Variants in QTGAL observed in about 807,000 individuals in gnomAD.
QTGAL encodes the protein queuosine-tRNA galactosyltransferase.
At chr17:83,047,247 A>G in the QTGAL span, among the ~76,000 whole-genome samples, 1 of 152,158 alleles carries the variant, frequency 6.6e-6, no homozygotes, top group Non-Finnish European at 1.5e-5. Flanking sequence ...GGGAGCTCTG[A>G]GCGGCCTCTT....
the QTGAL span, among the ~76,000 whole-genome samples, chr17:83,013,978 G>A: frequency 8.5e-5 from 13 of 152,148 alleles, no homozygotes; most frequent in East Asian, 1.9e-3. Context: ...AGGAGCCCAC[G>A]GGGCACTGCT....
At chr17:82,990,076 G>A in the QTGAL span, among the ~76,000 whole-genome samples, 1 of 152,200 alleles carries the variant, frequency 6.6e-6, no homozygotes, top group Non-Finnish European at 1.5e-5. Context: ...TCTGTGATTT[G>A]ACACACACCA....
chr17:83,045,982 C>A, the QTGAL span, among the ~76,000 whole-genome samples: 1 of 151,812 alleles, frequency 6.6e-6, no homozygotes, highest in Non-Finnish European at 1.5e-5. Context: ...TGCCACTACT[C>A]CAAGCTAATT....
chr17:82,980,061 C>G, the QTGAL span, among the ~76,000 whole-genome samples: 1 of 152,172 alleles, frequency 6.6e-6, no homozygotes, highest in Non-Finnish European at 1.5e-5. Context: ...AAACCTCACA[C>G]TAACTCAGCC....
the QTGAL span, chr17:83,005,475 G>GCCCT: frequency 4.6e-6 from 3 of 657,094 alleles, no homozygotes; most frequent in Non-Finnish European, 8.4e-6. This position sits in a 1 kb window ranked among gnomAD's most constrained non-coding sequence, Gnocchi z 5.6. Context: ...CCACAGAGCT[G>GCCCT]CCCTGGGCTG....
the QTGAL span, among the ~76,000 whole-genome samples, chr17:83,051,421 G>C: frequency 6.6e-6 from 1 of 152,172 alleles, no homozygotes; most frequent in Non-Finnish European, 1.5e-5. Flanking sequence ...AACTGCCTGA[G>C]CTCCGAGCCC....
the QTGAL span, among the ~76,000 whole-genome samples, chr17:82,969,690 AT>A: frequency 2.7e-5 from 4 of 149,864 alleles, no homozygotes; most frequent in African/African-American, 7.4e-5. Flanking sequence ...CATCTTTTAA[AT>A]TTTTTTTTTA....
the QTGAL span, among the ~76,000 whole-genome samples, chr17:82,969,676 A>G: frequency 5.9e-5 from 9 of 151,928 alleles, no homozygotes; most frequent in South Asian, 1.9e-3. Flanking sequence ...ACATAGCAAG[A>G]CCCCATCTTT....
the QTGAL span, among the ~76,000 whole-genome samples, chr17:83,009,373 G>A: frequency 3.6e-3 from 554 of 152,074 alleles, no homozygotes; most frequent in Non-Finnish European, 6.2e-3. Flanking sequence ...GCAGTGAGCC[G>A]AGACCGTACC....
At chr17:82,964,760 G>A in the QTGAL span, among the ~76,000 whole-genome samples, 2 of 132,628 alleles carry the variant, frequency 1.5e-5, no homozygotes, top group Non-Finnish European at 3.2e-5. Context: ...CCACGGGGGG[G>A]ACGGGGACAC....
At chr17:82,961,527 G>A in the QTGAL span, among the ~76,000 whole-genome samples, 1 of 152,194 alleles carries the variant, frequency 6.6e-6, no homozygotes. Context: ...ACGGCTCCTG[G>A]ATGGCTGGTC....
chr17:83,007,175 C>CT, the QTGAL span: 1 of 970,606 alleles, frequency 1.0e-6, no homozygotes, highest in African/African-American at 1.8e-5. Flanking sequence ...CTGTGTAATT[C>CT]TTTTCATATG....
chr17:83,046,366 A>G, the QTGAL span, among the ~76,000 whole-genome samples: 246 of 152,190 alleles, frequency 1.6e-3, 2 homozygotes, highest in East Asian at 0.016. Context: ...CAAACTCCTG[A>G]CCTCAGGTGG....
the QTGAL span, among the ~76,000 whole-genome samples, chr17:83,016,043 C>T: frequency 1.3e-5 from 2 of 152,154 alleles, no homozygotes; most frequent in African/African-American, 4.8e-5. Context: ...GGGACAGTCC[C>T]TTTAAGGTGC....
the QTGAL span, among the ~76,000 whole-genome samples, chr17:83,036,429 C>T: frequency 1.2e-4 from 18 of 152,286 alleles, no homozygotes; most frequent in Non-Finnish European, 2.2e-4. Context: ...CTCAGGGTGC[C>T]GGTTACATGG....
the QTGAL span, among the ~76,000 whole-genome samples, chr17:82,998,292 A>G: frequency 2.6e-5 from 4 of 152,192 alleles, no homozygotes; most frequent in Admixed American, 2.6e-4. Context: ...CTAAAAAAGC[A>G]TGTCCATAAA....
chr17:82,973,311 T>TG, the QTGAL span, among the ~76,000 whole-genome samples: 1 of 131,956 alleles, frequency 7.6e-6, no homozygotes, highest in African/African-American at 2.5e-5. Flanking sequence ...CATCTGTGGG[T>TG]TTTTCAATTT....
chr17:83,035,585 G>A, the QTGAL span, among the ~76,000 whole-genome samples: 1 of 152,166 alleles, frequency 6.6e-6, no homozygotes, highest in African/African-American at 2.4e-5. Flanking sequence ...ACCTTTGGTA[G>A]GTGGCATAAT....
the QTGAL span, among the ~76,000 whole-genome samples, chr17:83,045,742 A>G: frequency 6.6e-6 from 1 of 152,218 alleles, no homozygotes; most frequent in East Asian, 1.9e-4. Flanking sequence ...CAATGAAAAC[A>G]CATACAGCTC....
Sources: gnomAD v4.1 joint callset for allele counts (sites outside exome capture counted in the v4.1 genomes callset) on GRCh38, gnomAD v4.1.1 for gene constraint, Gnocchi (gnomAD v3.1) non-coding constraint, MANE v1.5 for transcripts, NCBI Gene and HGNC (gene_info 2026-07-23, HGNC 2026-07-21) for gene names.